Variants in TERB2 observed in about 807,000 individuals in gnomAD.
TERB2 encodes the protein telomere repeat binding bouquet formation protein 2, also known as telomere repeats-binding bouquet formation protein 2.
A neutral mutation model predicts 29.8 loss-of-function variants in TERB2; 26 were observed. The ratio of observed to expected loss-of-function variants is 0.87; its 90% CI spans 0.64 to 1.21. The LOEUF (loss-of-function observed/expected upper bound fraction) is 1.21, where lower values mean the gene tolerates loss of function less well. TERB2 is among the 50% of genes most tolerant of loss of function. TERB2 has a pLI of 0.00. For missense variants in TERB2, 240 were observed against 268.6 expected, an observed-to-expected ratio of 0.89 and a Z score of 0.74; for synonymous variants, 80 against 90.8, an observed-to-expected ratio of 0.88 and a Z score of 0.68.
intron 6 of TERB2, among the ~76,000 whole-genome samples, chr15:44,976,853 T>C (rs1892054905): frequency 9.2e-5 from 14 of 152,148 alleles, no homozygotes; most frequent in Admixed American, 9.2e-4. Context: ...ACTGCAGATC[T>C]TCTTCTGGAT....
Position 44,959,121 on chromosome 15 carries a change from CTCT to C in TERB2, c.286+612_286+614del, listed in dbSNP as rs147690699. On this transcript the variant is annotated intron_variant, in intron 3 of 6. Transcript: ENST00000340827. Reference sequence around the variant, plus strand: ...AATGTGTTCTTTCCTACTTTTGAATCTCTTCATTATTTTTCTAATTTTTTCTTC... The same window carrying C: ...AATGTGTTCTTTCCTACTTTTGAATCTCATTATTTTTCTAATTTTTTCTTC... Among the ~76,000 whole-genome samples the C allele has an allele frequency of 8.2e-3, 1,246 of 152,080 alleles. 101 individuals carry two copies. The East Asian group carries it at 0.19, about 23-fold the overall frequency.
Position 44,958,392 on chromosome 15 carries a change from T to A in TERB2, c.166T>A (p.Tyr56Asn), listed in dbSNP as rs1891753137. The A allele has an allele frequency of 1.2e-6, 2 of 1,612,488 alleles. No homozygotes were observed. Among genetic ancestry groups the A allele is most frequent in the African/African-American group, 2.7e-5 (2 of 74,822 alleles). The change falls in exon 3 of 7, where the codon TAC becomes AAC. Residue 56 changes from tyrosine (Y) to asparagine (N), a missense_variant. By Grantham distance (143) the Tyr-to-Asn change is moderately radical. Transcript: ENST00000340827. ...DTLRIYQSLD[Y>N]IEDNATVFHA... Reference sequence around the variant, plus strand: ...TCCTAGAATATATCAGAGCCTTGATTACATAGAAGATAATGCTACAGTTTT... The same window carrying A: ...TCCTAGAATATATCAGAGCCTTGATAACATAGAAGATAATGCTACAGTTTT...
At position 44,967,119 on chromosome 15, in the gene TERB2, T is replaced by C. The variant is rs150281828; in HGVS notation, c.434+876T>C. On this transcript the variant is annotated intron_variant, in intron 5 of 6. Transcript: ENST00000340827. ...GTCTCAAAGAAAAACAAGAAATTAA[T>C]TTAAAAAGACAAACAAACATGGCCT... Among the ~76,000 whole-genome samples the C allele has an allele frequency of 7.2e-5, 11 of 152,290 alleles. No homozygotes were observed. The East Asian group carries it at 7.7e-4, about 11-fold the overall frequency.
At chr15:44,978,386 A>C (rs1892075124) in intron 6 of TERB2, 103 bp from the exon 7 acceptor site, 2 of 1,313,910 alleles carry the variant, frequency 1.5e-6, no homozygotes, top group Admixed American at 3.1e-5. Context: ...CTTTTCTAAA[A>C]ACATTCTTTA....
Position 44,966,566 on chromosome 15 carries a change from T to G in TERB2, c.434+323T>G, listed in dbSNP as rs539472323. Among the ~76,000 whole-genome samples, 350 of 152,308 alleles carry G rather than the reference T, an allele frequency of 2.3e-3. 2 individuals carry two copies. The highest frequency in any genetic ancestry group is 7.8e-3 in the African/African-American group (323 of 41,576). ...ATAGTATAGCACACTATACTGTCTC[T>G]GCAGAAAGGAGACAAGGATTTTATG... On this transcript the variant is annotated intron_variant, in intron 5 of 6. Coordinates refer to ENST00000340827, the MANE Select transcript of TERB2 (RefSeq NM_152448.3).
At chr15:44,965,106 T>C (rs1891862833) in intron 4 of TERB2, among the ~76,000 whole-genome samples, 1 of 127,004 alleles carries the variant, frequency 7.9e-6, no homozygotes, top group African/African-American at 3.0e-5. Flanking sequence ...GAGGTTGCAG[T>C]GAGCCGAGAT....
At chr15:44,973,465 T>C (rs1181740251) in intron 5 of TERB2, 1 of 152,220 alleles carries the variant, frequency 6.6e-6, no homozygotes, top group Non-Finnish European at 1.5e-5. Flanking sequence ...TATGGGTCTT[T>C]ATATTACTTA....
chr15:44,957,638 C>T (rs1290796324), intron 2 of TERB2, among the ~76,000 whole-genome samples: 1 of 152,218 alleles, frequency 6.6e-6, no homozygotes, highest in Non-Finnish European at 1.5e-5. Context: ...CTGACACTAA[C>T]TTAGTAGCAC....
intron 5 of TERB2, among the ~76,000 whole-genome samples, chr15:44,971,681 G>A (rs992343250): frequency 1.3e-4 from 19 of 151,972 alleles, no homozygotes; most frequent in African/African-American, 4.6e-4. Flanking sequence ...CCTGAACCTG[G>A]GAGGCCTGAG....
At chr15:44,957,815 C>G (rs1413408049) in intron 2 of TERB2, among the ~76,000 whole-genome samples, 1 of 151,390 alleles carries the variant, frequency 6.6e-6, no homozygotes, top group East Asian at 1.9e-4. Context: ...GCCCCCACCC[C>G]CAAGCTGCTG....
intron 5 of TERB2, among the ~76,000 whole-genome samples, chr15:44,967,517 T>C (rs1188271028): frequency 6.6e-6 from 1 of 151,820 alleles, no homozygotes; most frequent in East Asian, 1.9e-4. Context: ...AGTGAGGGGG[T>C]CTGGGTATGG....
chr15:44,964,802 T>C (rs1891857700), intron 4 of TERB2, among the ~76,000 whole-genome samples: 2 of 152,084 alleles, frequency 1.3e-5, no homozygotes, highest in Non-Finnish European at 2.9e-5. Flanking sequence ...TGGCAATAAC[T>C]AGGGTAAATC....
intron 4 of TERB2, among the ~76,000 whole-genome samples, chr15:44,963,960 G>A (rs1258936994): frequency 1.3e-5 from 2 of 151,760 alleles, no homozygotes; most frequent in African/African-American, 2.4e-5. Flanking sequence ...ACAGGCACCC[G>A]CCACCACACC....
intron 6 of TERB2, among the ~76,000 whole-genome samples, chr15:44,975,909 C>T (rs1206528268): frequency 7.2e-5 from 11 of 152,168 alleles, no homozygotes; most frequent in Non-Finnish European, 1.2e-4. Context: ...AAAGCAATTA[C>T]TAATAATTGT....
intron 5 of TERB2, among the ~76,000 whole-genome samples, chr15:44,968,690 G>C (rs1891924587): frequency 6.8e-6 from 1 of 146,134 alleles, no homozygotes; most frequent in Non-Finnish European, 1.5e-5. Context: ...AACCTCCCAG[G>C]CTGAAGTGAG....
At chr15:44,964,417 T>C (rs1478697491) in intron 4 of TERB2, among the ~76,000 whole-genome samples, 1 of 152,174 alleles carries the variant, frequency 6.6e-6, no homozygotes, top group Non-Finnish European at 1.5e-5. Context: ...TTTCACAGTG[T>C]TTCCAGGAAT....
At chr15:44,964,713 C>G (rs1891856740) in intron 4 of TERB2, among the ~76,000 whole-genome samples, 1 of 152,002 alleles carries the variant, frequency 6.6e-6, no homozygotes, top group African/African-American at 2.4e-5. Flanking sequence ...TCAATTCTTT[C>G]AAAATATTGG....
At chr15:44,961,233 T>C (rs1208155232) in intron 3 of TERB2, among the ~76,000 whole-genome samples, 3 of 137,628 alleles carry the variant, frequency 2.2e-5, no homozygotes, top group African/African-American at 8.4e-5. Flanking sequence ...CACACACACA[T>C]CTAATGTAGA....
At chr15:44,957,159 A>AG (rs1891729050) in intron 2 of TERB2, among the ~76,000 whole-genome samples, 182 bp downstream of exon 2, 1 of 151,766 alleles carries the variant, frequency 6.6e-6, no homozygotes, top group African/African-American at 2.4e-5. Flanking sequence ...GGTTGCAGTG[A>AG]GCCAAGATCG....
Sources: gnomAD v4.1 joint callset for allele counts (sites outside exome capture counted in the v4.1 genomes callset) on GRCh38, gnomAD v4.1.1 for gene constraint, MANE v1.5 for transcripts, NCBI Gene and HGNC (gene_info 2026-07-23, HGNC 2026-07-21) for gene names.